PARD3B: variants seen among roughly 807,000 people sequenced by gnomAD.
PARD3B encodes the protein partitioning defective 3 homolog B.
A neutral mutation model predicts 130.2 loss-of-function variants in PARD3B; 103 were observed. That is an observed-to-expected ratio of 0.79 (90% CI 0.67 to 0.93). The LOEUF is 0.93. Ranked by LOEUF, PARD3B falls within the 40% of genes least tolerant of loss-of-function variation. The pLI is 0.00. For synonymous variants in PARD3B, 583 were observed against 553.2 expected (o/e 1.05, Z -0.76); for missense variants, 1,609 against 1,499.2 (o/e 1.07, Z -1.21).
At chr2:205,071,859 T>C (rs1362782316) in intron 4 of PARD3B, among the ~76,000 whole-genome samples, 2 of 152,210 alleles carry the variant, frequency 1.3e-5, no homozygotes, top group Non-Finnish European at 2.9e-5. Flanking sequence ...CATTGCTGTC[T>C]ATAGATCCAA....
At chr2:204,657,311 T>C (rs1283067529) in intron 1 of PARD3B, among the ~76,000 whole-genome samples, 1 of 152,134 alleles carries the variant, frequency 6.6e-6, no homozygotes, top group Non-Finnish European at 1.5e-5. Flanking sequence ...ATTTTTGAGC[T>C]CAACCTAGGT....
chr2:205,179,557 G>T (rs775546037), intron 13 of PARD3B, among the ~76,000 whole-genome samples: 16 of 152,138 alleles, frequency 1.1e-4, no homozygotes, highest in Non-Finnish European at 1.8e-4. Context: ...ATTGCCTGTA[G>T]TATTCAGTAA....
chr2:204,552,768 C>G (rs1169889299), intron 1 of PARD3B, among the ~76,000 whole-genome samples: 1 of 152,192 alleles, frequency 6.6e-6, no homozygotes, highest in African/African-American at 2.4e-5. Flanking sequence ...CCTTTCCCCA[C>G]TTAATGTTTT....
chr2:204,886,169 C>T (rs138309185), intron 2 of PARD3B, among the ~76,000 whole-genome samples: 91 of 152,298 alleles, frequency 6.0e-4, no homozygotes, highest in Non-Finnish European at 2.5e-4. Context: ...AGAAAAGACT[C>T]GGTCATCTAG....
rs566644350 is a variant in PARD3B at position 204,805,696 on chromosome 2, A to G, written c.222+119414A>G. Among the ~76,000 whole-genome samples the G allele has an allele frequency of 2.5e-4, 38 of 152,272 alleles. No homozygotes were observed. In the South Asian group the frequency reaches 7.7e-3, roughly 31 times the overall value. ...GCAAACTGAATTGAACAGCACATTA[A>G]AAGATCATTCATTATGACCAAGTGG... is the stretch of plus-strand genomic sequence containing the variant. On this transcript the variant is annotated intron_variant, in intron 2 of 22. Coordinates refer to ENST00000406610, the MANE Select transcript of PARD3B (RefSeq NM_001302769.2).
chr2:205,245,715 G>T, intron 15 of PARD3B, 63 bp from the exon 16 acceptor site: 1 of 1,317,796 alleles, frequency 7.6e-7, no homozygotes, highest in Non-Finnish European at 1.1e-6. Context: ...TTAATTTACT[G>T]TTTAAAAATT....
intron 2 of PARD3B, among the ~76,000 whole-genome samples, chr2:204,720,299 C>G (rs2125318134): frequency 6.6e-6 from 1 of 152,262 alleles, no homozygotes; most frequent in East Asian, 1.9e-4. Flanking sequence ...GTGCTTTTGC[C>G]AGTCCATGAT....
chr2:205,222,957 T>C lies in PARD3B; in HGVS notation c.2141-22821T>C, dbSNP rs528347169. ...GAGTAAAATGCTATCTTTGCCTTCA[T>C]TGAGGTTGTCCATAAATCAGTGTAG... On this transcript the variant is annotated intron_variant, in intron 15 of 22. Transcript: ENST00000406610. Among the ~76,000 whole-genome samples the C allele has an allele frequency of 5.0e-4, 76 of 152,130 alleles. No homozygotes were observed. In the South Asian group the frequency reaches 0.015, roughly 31 times the overall value.
intron 3 of PARD3B, among the ~76,000 whole-genome samples, chr2:204,991,072 CTTTTT>C (rs201018710): frequency 1.4e-5 from 2 of 145,356 alleles, no homozygotes; most frequent in African/African-American, 2.5e-5. Flanking sequence ...AGTTGTCATT[CTTTTT>C]TTTTTTTTAT....
intron 3 of PARD3B, among the ~76,000 whole-genome samples, chr2:205,045,980 A>C (rs369404466): frequency 6.6e-6 from 1 of 152,232 alleles, no homozygotes; most frequent in East Asian, 1.9e-4. Flanking sequence ...CAAGATTATC[A>C]ACTTGTAATT....
intron 4 of PARD3B, among the ~76,000 whole-genome samples, chr2:205,066,016 T>C (rs534023664): frequency 6.6e-6 from 1 of 152,126 alleles, no homozygotes; most frequent in African/African-American, 2.4e-5. Context: ...CCTTACCATC[T>C]CCATAGGTAA....
chr2:205,283,379 G>C (rs1009779771), intron 16 of PARD3B, among the ~76,000 whole-genome samples: 1 of 152,094 alleles, frequency 6.6e-6, no homozygotes, highest in South Asian at 2.1e-4. Context: ...CAATCTCCTG[G>C]GCTCAAGGGT....
intron 1 of PARD3B, among the ~76,000 whole-genome samples, chr2:204,553,583 A>AGGCTATATACATATATATGTATATATAT (rs2030637312): frequency 3.2e-5 from 2 of 62,142 alleles, no homozygotes; most frequent in African/African-American, 1.1e-4. Context: ...TGTATATATA[A>AGGCTATATACATATATATGTATATATAT]GGCTATATAC....
intron 13 of PARD3B, among the ~76,000 whole-genome samples, chr2:205,178,815 A>C (rs6723753): frequency 6.6e-6 from 1 of 152,052 alleles, no homozygotes; most frequent in Admixed American, 6.5e-5. Flanking sequence ...CACATATATC[A>C]TGGTGGTCCC....
chr2:204,620,503 G>A (rs2034261713), intron 1 of PARD3B, among the ~76,000 whole-genome samples: 1 of 152,206 alleles, frequency 6.6e-6, no homozygotes, highest in African/African-American at 2.4e-5. Context: ...AGGGGACAGG[G>A]AAGTGTGATG....
chr2:205,471,431 G>A (rs534700628), intron 20 of PARD3B, among the ~76,000 whole-genome samples: 1 of 139,018 alleles, frequency 7.2e-6, no homozygotes, highest in South Asian at 2.2e-4. Flanking sequence ...GCGCAATCTC[G>A]GCTCACTGCA....
chr2:205,580,499 G>A (rs1157245904), intron 22 of PARD3B, among the ~76,000 whole-genome samples: 3 of 152,168 alleles, frequency 2.0e-5, no homozygotes, highest in African/African-American at 4.8e-5. Context: ...GTCCATGACC[G>A]GAGGGTGGGC....
chr2:205,136,823 G>T (rs906709521), intron 10 of PARD3B, among the ~76,000 whole-genome samples: 2 of 152,164 alleles, frequency 1.3e-5, no homozygotes, highest in Non-Finnish European at 2.9e-5. Flanking sequence ...CAGAAGAATT[G>T]CCATCTTCCA....
intron 3 of PARD3B, among the ~76,000 whole-genome samples, chr2:205,036,788 A>G (rs186880477): frequency 1.7e-3 from 252 of 151,094 alleles, no homozygotes; most frequent in Non-Finnish European, 2.9e-3. Context: ...ATATATACAC[A>G]GCGGACTGTA....
Sources: gnomAD v4.1 joint callset for allele counts (sites outside exome capture counted in the v4.1 genomes callset) on GRCh38, gnomAD v4.1.1 for gene constraint, MANE v1.5 for transcripts, NCBI Gene and HGNC (gene_info 2026-07-23, HGNC 2026-07-21) for gene names.